Variants in THSD4 observed in about 807,000 individuals in gnomAD.
THSD4 encodes the protein thrombospondin type 1 domain containing 4.
THSD4 carries 69 observed loss-of-function variants against 119.0 expected under a neutral mutation model. That is an observed-to-expected ratio of 0.58 (90% CI 0.48 to 0.71). The LOEUF (loss-of-function observed/expected upper bound fraction) is 0.71. Ranked by LOEUF, THSD4 falls within the 30% of genes least tolerant of loss-of-function variation. The pLI, the probability that THSD4 is intolerant of heterozygous loss-of-function variation, is 0.00. For synonymous variants in THSD4, 524 were observed against 540.4 expected (o/e 0.97, Z 0.42); for missense variants, 1,393 against 1,391.1 (o/e 1.00, Z -0.02).
chr15:71,367,383 G>A (rs973638433), intron 6 of THSD4, among the ~76,000 whole-genome samples: 2 of 152,228 alleles, frequency 1.3e-5, no homozygotes, highest in Non-Finnish European at 2.9e-5. Context: ...ATGGTGGTGT[G>A]CTGCGCACAT....
intron 7 of THSD4, among the ~76,000 whole-genome samples, chr15:71,627,844 G>A (rs567362818): frequency 6.6e-6 from 1 of 152,164 alleles, no homozygotes; most frequent in Admixed American, 6.6e-5. Flanking sequence ...CCTGGGTCAA[G>A]GCAGAAATTT....
intron 1 of THSD4, among the ~76,000 whole-genome samples, chr15:71,106,867 T>A (rs970206486): frequency 3.5e-5 from 5 of 144,848 alleles, no homozygotes; most frequent in Middle Eastern, 3.6e-3. Flanking sequence ...CTACCAGCTT[T>A]AAAAAAAAAA....
intron 7 of THSD4, among the ~76,000 whole-genome samples, chr15:71,451,375 G>A (rs1287476523): frequency 1.3e-5 from 2 of 152,180 alleles, no homozygotes. Context: ...CCACTCCTGT[G>A]ATCCCAGTTA....
At chr15:71,611,515 G>A (rs991180814) in intron 7 of THSD4, among the ~76,000 whole-genome samples, 1 of 152,196 alleles carries the variant, frequency 6.6e-6, no homozygotes, top group Non-Finnish European at 1.5e-5. Context: ...TCTCTTTTCA[G>A]TGAACATCCT....
chr15:71,608,219 T>C (rs2050147803), intron 7 of THSD4, among the ~76,000 whole-genome samples: 1 of 70,204 alleles, frequency 1.4e-5, no homozygotes, highest in African/African-American at 5.3e-5. Context: ...CAAAACTCTG[T>C]CTCAAAAAAA....
At chr15:71,311,508 G>T (rs2045110250) in intron 6 of THSD4, among the ~76,000 whole-genome samples, 1 of 152,168 alleles carries the variant, frequency 6.6e-6, no homozygotes, top group Non-Finnish European at 1.5e-5. Context: ...AATTAGAAGA[G>T]TGCTGTGCTC....
At chr15:71,126,136 C>T (rs558382375) in intron 1 of THSD4, among the ~76,000 whole-genome samples, 15 of 152,320 alleles carry the variant, frequency 9.8e-5, no homozygotes, top group East Asian at 1.9e-4. Context: ...TTTCCATCTC[C>T]GGGACACTAA....
chr15:71,430,632 C>CT (rs1022164078), intron 7 of THSD4, among the ~76,000 whole-genome samples: 51 of 152,030 alleles, frequency 3.4e-4, no homozygotes, highest in African/African-American at 1.1e-3. Context: ...TGGTGCCCGC[C>CT]TCTAATCCCA....
chr15:71,622,223 G>A (rs2050431005), intron 7 of THSD4, among the ~76,000 whole-genome samples: 1 of 152,158 alleles, frequency 6.6e-6, no homozygotes, highest in Admixed American at 6.5e-5. Flanking sequence ...TAATCAAAAT[G>A]TTCTTTCTAT....
At chr15:71,297,320 T>TTTTTTGTTTG (rs111707595) in intron 6 of THSD4, among the ~76,000 whole-genome samples, 4 of 147,982 alleles carry the variant, frequency 2.7e-5, no homozygotes, top group Non-Finnish European at 4.5e-5. Context: ...CTCTTCTTTT[T>TTTTTTGTTTG]TTTGTTTGTT....
chr15:71,547,615 G>T, intron 7 of THSD4: 2 of 1,012,682 alleles, frequency 2.0e-6, no homozygotes, highest in South Asian at 1.9e-5. Flanking sequence ...TACTTTTGTA[G>T]GCTTCTCTTG....
intron 7 of THSD4, among the ~76,000 whole-genome samples, chr15:71,470,803 T>C (rs1056606935): frequency 8.9e-4 from 135 of 151,252 alleles, no homozygotes; most frequent in African/African-American, 3.1e-3. Flanking sequence ...GCCCGGCTAA[T>C]TTTTTGTATT....
chr15:71,720,039 T>TTC (rs1555445421), intron 8 of THSD4, among the ~76,000 whole-genome samples: 4 of 145,094 alleles, frequency 2.8e-5, no homozygotes, highest in African/African-American at 5.1e-5. Context: ...TTTTTTTCTT[T>TTC]TTTTTTTTTT....
intron 7 of THSD4, among the ~76,000 whole-genome samples, chr15:71,594,462 C>T (rs1007346447): frequency 6.6e-6 from 1 of 152,074 alleles, no homozygotes; most frequent in African/African-American, 2.4e-5. Context: ...CCACCTCGGC[C>T]TCCCCTCTTA....
chr15:71,531,325 T>C (rs2048606815), intron 7 of THSD4, among the ~76,000 whole-genome samples: 3 of 152,214 alleles, frequency 2.0e-5, no homozygotes, highest in African/African-American at 7.2e-5. Context: ...AATATCATTC[T>C]ACTCAAGATG....
chr15:71,638,777 CA>C (rs1156939174), intron 7 of THSD4, among the ~76,000 whole-genome samples: 2 of 152,142 alleles, frequency 1.3e-5, no homozygotes, highest in Non-Finnish European at 2.9e-5. Flanking sequence ...AGAAGTTCTG[CA>C]CCAATCAGAA....
chr15:71,253,696 C>G (rs1287774195), intron 5 of THSD4, among the ~76,000 whole-genome samples: 2 of 152,204 alleles, frequency 1.3e-5, no homozygotes, highest in Admixed American at 1.3e-4. Context: ...CCGTGAGCCA[C>G]TGCATCTGGC....
At chr15:71,469,753 G>A (rs756540356) in intron 7 of THSD4, among the ~76,000 whole-genome samples, 4 of 152,146 alleles carry the variant, frequency 2.6e-5, no homozygotes, top group African/African-American at 7.2e-5. Context: ...TGCTGGTCTC[G>A]CTGTTGTATC....
In THSD4 at chr15:71,690,557, G is replaced by A. The variant is rs112482491; in HGVS notation, c.1357+29823G>A. 7.4e-3 allele frequency among the ~76,000 whole-genome samples: 1,131 copies of A among 152,302 alleles called. 15 individuals carry two copies. Among genetic ancestry groups the A allele is most frequent in the African/African-American group, 0.026 (1,079 of 41,566 alleles). On this transcript the variant is annotated intron_variant, in intron 8 of 17. Coordinates refer to ENST00000261862, the MANE Select transcript of THSD4 (RefSeq NM_024817.3). ...GTCCACAGCCTACTCCCGAGAACCT[G>A]TGAACATGTTAAGTTACATGGTGTA...
Sources: gnomAD v4.1 joint callset for allele counts (sites outside exome capture counted in the v4.1 genomes callset) on GRCh38, gnomAD v4.1.1 for gene constraint, MANE v1.5 for transcripts, NCBI Gene and HGNC (gene_info 2026-07-23, HGNC 2026-07-21) for gene names.